The following CTTNBP2 variants were observed in gnomAD, a reference collection of about 807,000 sequenced individuals.
CTTNBP2 encodes the protein cortactin binding protein 2, also known as cortactin-binding protein 2.
A neutral mutation model predicts 156.9 loss-of-function variants in CTTNBP2; 108 were observed. The ratio of observed to expected loss-of-function variants is 0.69; its 90% CI spans 0.59 to 0.81. CTTNBP2 has a LOEUF of 0.81. Ranked by LOEUF, CTTNBP2 falls within the 30% of genes least tolerant of loss-of-function variation. CTTNBP2 has a pLI of 0.00. For synonymous variants in CTTNBP2, 767 were observed against 751.8 expected, an observed-to-expected ratio of 1.02 and a Z score of -0.33; for missense variants, 1,924 against 2,035.4, an observed-to-expected ratio of 0.95 and a Z score of 1.05.
chr7:117,866,929 A>G (rs1291903975), intron 1 of CTTNBP2, among the ~76,000 whole-genome samples: 4 of 152,206 alleles, frequency 2.6e-5, no homozygotes, highest in Non-Finnish European at 1.5e-5. Context: ...TGTAAGCAAG[A>G]TTTATGCTTT....
chr7:117,768,393 C>A (rs1797616146), intron 8 of CTTNBP2, among the ~76,000 whole-genome samples: 1 of 151,414 alleles, frequency 6.6e-6, no homozygotes, highest in Admixed American at 6.6e-5. Flanking sequence ...ATGGTAAAAC[C>A]CCATCCTACT....
At chr7:117,786,524 A>C (rs1563005395) in intron 4 of CTTNBP2, 1 of 365,358 alleles carries the variant, frequency 2.7e-6, no homozygotes, top group Non-Finnish European at 5.4e-6. Flanking sequence ...CGAAGGCATA[A>C]AACCTCGACT....
chr7:117,847,105 G>C (rs1402115652), intron 2 of CTTNBP2, among the ~76,000 whole-genome samples: 1 of 151,840 alleles, frequency 6.6e-6, no homozygotes, highest in African/African-American at 2.4e-5. Flanking sequence ...CAAAATTTTA[G>C]ATTACAGGGT....
At chr7:117,785,721 G>A (rs1454162499) in intron 4 of CTTNBP2, among the ~76,000 whole-genome samples, 8 of 152,172 alleles carry the variant, frequency 5.3e-5, no homozygotes. Flanking sequence ...TTTTTAAAAT[G>A]TTTTGTAACT....
chr7:117,797,509 G>A (rs1445347300), intron 3 of CTTNBP2, among the ~76,000 whole-genome samples: 1 of 152,084 alleles, frequency 6.6e-6, no homozygotes, highest in Non-Finnish European at 1.5e-5. Flanking sequence ...ATCCACGCTG[G>A]AATTAGTGAC....
At chr7:117,786,303 A>G (rs983094039) in intron 4 of CTTNBP2, 21 of 316,554 alleles carry the variant, frequency 6.6e-5, no homozygotes, top group African/African-American at 4.2e-4. Context: ...ATAAAATTCA[A>G]TATTTATCTA....
intron 2 of CTTNBP2, among the ~76,000 whole-genome samples, chr7:117,856,169 C>T (rs1287855132): frequency 6.6e-6 from 1 of 152,154 alleles, no homozygotes; most frequent in African/African-American, 2.4e-5. Flanking sequence ...GGAAAAGTTC[C>T]ATGTCTATGA....
chr7:117,804,808 T>C (rs570617654), intron 3 of CTTNBP2, among the ~76,000 whole-genome samples: 8 of 152,292 alleles, frequency 5.3e-5, no homozygotes, highest in Middle Eastern at 3.4e-3. Flanking sequence ...GGATAGCTAA[T>C]GCAGGCTGAG....
At chr7:117,784,554 T>C (rs1798609482) in intron 4 of CTTNBP2, 100 bp from the exon 5 acceptor site, 1 of 775,678 alleles carries the variant, frequency 1.3e-6, no homozygotes, top group Non-Finnish European at 2.0e-6. Context: ...CATATGAACA[T>C]GTGTCCCTAG....
In CTTNBP2 at chr7:117,873,284, C is replaced by T. The variant is rs935154430; in HGVS notation, c.81+51G>A. 1.1e-5 allele frequency: 14 copies of T among 1,299,934 alleles called. No individual in the cohort carries two copies. The African/African-American group carries it at 1.6e-4, about 14-fold the overall frequency. 80.5% of individuals were successfully genotyped at this position (1,299,934 alleles called of 1,614,324 possible). A position where few individuals can be genotyped will look rare whatever the true frequency, so the allele number is the denominator to read the frequency against. Reference sequence around the variant, plus strand: ...GGTCCGGCTGGGACCCCGGCGCCGCCCCCGGCCCGCGTCTACACTAGCCCC... The same window carrying T: ...GGTCCGGCTGGGACCCCGGCGCCGCTCCCGGCCCGCGTCTACACTAGCCCC... On this transcript the variant is annotated intron_variant, in intron 1 of 22. Transcript: ENST00000160373.
chr7:117,817,361 A>AAATAT (rs1554437688), intron 2 of CTTNBP2, among the ~76,000 whole-genome samples: 11 of 53,286 alleles, frequency 2.1e-4, no homozygotes, highest in Non-Finnish European at 3.1e-4. Flanking sequence ...AAAAAAAAAA[A>AAATAT]ATATATATAT....
At chr7:117,811,026 A>G (rs1800244216) in intron 2 of CTTNBP2, 37 bp from the exon 3 acceptor site, 1 of 1,441,620 alleles carries the variant, frequency 6.9e-7, no homozygotes, top group Non-Finnish European at 9.7e-7. Flanking sequence ...GAAGAAAGAA[A>G]TGAAAATATA....
intron 8 of CTTNBP2, among the ~76,000 whole-genome samples, chr7:117,775,702 TC>T (rs1300267815): frequency 6.6e-6 from 1 of 152,082 alleles, no homozygotes; most frequent in Non-Finnish European, 1.5e-5. Flanking sequence ...AACTACCCTT[TC>T]CATGCACCTC....
At chr7:117,745,725 G>T in intron 14 of CTTNBP2, 106 bp downstream of exon 14, 1 of 732,200 alleles carries the variant, frequency 1.4e-6, no homozygotes, top group East Asian at 2.6e-5. Context: ...AATAATTAAA[G>T]TTATCTTAAA....
intron 21 of CTTNBP2, among the ~76,000 whole-genome samples, chr7:117,718,819 TCTTA>T (rs1260371860): frequency 6.6e-6 from 1 of 152,224 alleles, no homozygotes; most frequent in Non-Finnish European, 1.5e-5. Flanking sequence ...GTTATAATTT[TCTTA>T]CTGATAGATG....
intron 9 of CTTNBP2, among the ~76,000 whole-genome samples, chr7:117,766,822 AG>A (rs1797509900): frequency 6.6e-6 from 1 of 152,196 alleles, no homozygotes; most frequent in African/African-American, 2.4e-5. Flanking sequence ...TTGCTGTCCT[AG>A]GTCAGTAAAA....
intron 16 of CTTNBP2, among the ~76,000 whole-genome samples, chr7:117,728,875 A>G (rs1003288691): frequency 4.6e-5 from 7 of 152,238 alleles, no homozygotes; most frequent in African/African-American, 1.4e-4. Context: ...AGTAATCACT[A>G]TTAAGCTAAA....
At chr7:117,809,222 TG>T (rs1800122384) in intron 3 of CTTNBP2, among the ~76,000 whole-genome samples, 1 of 152,260 alleles carries the variant, frequency 6.6e-6, no homozygotes. Context: ...ATAAAATCTT[TG>T]ATCCAACTAG....
chr7:117,817,361 A>ATAAATAAATAAATAAATAT (rs1298639361), intron 2 of CTTNBP2, among the ~76,000 whole-genome samples: 1 of 53,286 alleles, frequency 1.9e-5, no homozygotes, highest in Non-Finnish European at 3.4e-5. Flanking sequence ...AAAAAAAAAA[A>ATAAATAAATAAATAAATAT]ATATATATAT....
Sources: allele counts gnomAD v4.1 joint callset (sites outside exome capture counted in the v4.1 genomes callset), GRCh38; gene constraint gnomAD v4.1.1; transcripts MANE v1.5; gene names NCBI Gene and HGNC (gene_info 2026-07-23, HGNC 2026-07-21).